Variants in SCHIP1 observed in about 807,000 individuals in gnomAD.
The protein encoded by SCHIP1 is schwannomin-interacting protein 1.
Under a neutral mutation model 29.7 loss-of-function variants are expected in SCHIP1, and 8 were observed. That is an observed-to-expected ratio of 0.27 (90% CI 0.16 to 0.49). The LOEUF (loss-of-function observed/expected upper bound fraction) is 0.49, where lower values mean the gene tolerates loss of function less well. Among genes scored for constraint, SCHIP1 ranks in the 20% least tolerant of loss-of-function variants. The pLI is 0.99. For synonymous variants in SCHIP1, 76 were observed against 94.9 expected (o/e 0.80, Z 1.16); for missense variants, 193 against 294.6 (o/e 0.66, Z 2.52).
chr3:159,875,970 T>C (rs1423652764), intron 2 of SCHIP1, among the ~76,000 whole-genome samples: 1 of 152,098 alleles, frequency 6.6e-6, no homozygotes, highest in African/African-American at 2.4e-5. Context: ...AGATTTCTGA[T>C]GAGAACAGAA....
the SCHIP1 span, among the ~76,000 whole-genome samples, chr3:159,649,696 G>C: frequency 6.6e-6 from 1 of 152,186 alleles, no homozygotes; most frequent in South Asian, 2.1e-4. Flanking sequence ...TAGGTATGCT[G>C]TGACTACATC....
At chr3:159,814,702 C>T in the SCHIP1 span, among the ~76,000 whole-genome samples, 195 of 152,356 alleles carry the variant, frequency 1.3e-3, 1 homozygote, top group African/African-American at 4.5e-3. Flanking sequence ...CAGCTCTCAT[C>T]TTCACTGCCA....
chr3:159,421,951 A>G, the SCHIP1 span, among the ~76,000 whole-genome samples: 1 of 152,222 alleles, frequency 6.6e-6, no homozygotes, highest in Non-Finnish European at 1.5e-5. Flanking sequence ...TCGGGGAAAG[A>G]AAGTAAGTTA....
At chr3:159,510,297 G>C in the SCHIP1 span, among the ~76,000 whole-genome samples, 2 of 151,896 alleles carry the variant, frequency 1.3e-5, no homozygotes, top group South Asian at 4.2e-4. Flanking sequence ...CATAGTTCTC[G>C]TGCCATGGTT....
chr3:159,890,384 T>A (rs1329155328), intron 5 of SCHIP1, among the ~76,000 whole-genome samples: 1 of 152,146 alleles, frequency 6.6e-6, no homozygotes, highest in Non-Finnish European at 1.5e-5. Flanking sequence ...CATTAAGGGT[T>A]CAGATATGTA....
At chr3:159,275,104 T>G in the SCHIP1 span, 1 of 959,064 alleles carries the variant, frequency 1.0e-6, no homozygotes, top group Admixed American at 6.2e-5. Flanking sequence ...CAATTTTATA[T>G]AAAGGAGACC....
chr3:159,659,242 C>A, the SCHIP1 span, among the ~76,000 whole-genome samples: 1 of 152,166 alleles, frequency 6.6e-6, no homozygotes, highest in African/African-American at 2.4e-5. Context: ...TTGGCATGTC[C>A]TTGGGCTTGG....
chr3:159,789,132 C>CAGAGAGAG, the SCHIP1 span, among the ~76,000 whole-genome samples: 1 of 150,650 alleles, frequency 6.6e-6, no homozygotes, highest in Non-Finnish European at 1.5e-5. Context: ...TCTATATATA[C>CAGAGAGAG]AGAGAGAGAG....
the SCHIP1 span, among the ~76,000 whole-genome samples, chr3:159,497,154 C>T: frequency 7.9e-5 from 12 of 151,752 alleles, no homozygotes; most frequent in African/African-American, 1.5e-4. Context: ...TGCTAAATGA[C>T]GAGTTAATGG....
At chr3:159,301,812 T>G in the SCHIP1 span, among the ~76,000 whole-genome samples, 2 of 152,326 alleles carry the variant, frequency 1.3e-5, no homozygotes, top group African/African-American at 4.8e-5. Context: ...CTCTTTTCTT[T>G]ATAAATGACC....
At chr3:159,694,537 C>CAGGA in the SCHIP1 span, among the ~76,000 whole-genome samples, 149 of 119,460 alleles carry the variant, frequency 1.2e-3, 1 homozygote, top group African/African-American at 4.8e-3. Context: ...AAAGAAAAGA[C>CAGGA]AAGAAAGAAA....
the SCHIP1 span, among the ~76,000 whole-genome samples, chr3:159,612,484 C>T: frequency 1.3e-5 from 2 of 152,298 alleles, no homozygotes; most frequent in East Asian, 1.9e-4. Flanking sequence ...CGGTGGCTCA[C>T]TCCTGTAATC....
chr3:159,573,941 C>T, the SCHIP1 span, among the ~76,000 whole-genome samples: 1 of 152,212 alleles, frequency 6.6e-6, no homozygotes, highest in East Asian at 1.9e-4. Context: ...AGTTCTCGTG[C>T]CATGGTTTTC....
chr3:159,566,773 A>G, the SCHIP1 span, among the ~76,000 whole-genome samples: 1 of 152,184 alleles, frequency 6.6e-6, no homozygotes, highest in South Asian at 2.1e-4. Context: ...CAACGGCATC[A>G]GGGAGGTAAC....
chr3:159,690,837 C>A, the SCHIP1 span, among the ~76,000 whole-genome samples: 1 of 152,128 alleles, frequency 6.6e-6, no homozygotes. Flanking sequence ...TTATTTCTGC[C>A]TTAATTTCAT....
At chr3:159,444,734 G>A in the SCHIP1 span, among the ~76,000 whole-genome samples, 9 of 152,180 alleles carry the variant, frequency 5.9e-5, no homozygotes, top group African/African-American at 1.9e-4. Flanking sequence ...CTTCTAGATA[G>A]GAAGGACTCC....
At chr3:159,839,833 G>T (rs1744044701), upstream of SCHIP1, 2 of 1,240,102 alleles carry the variant, frequency 1.6e-6, no homozygotes, top group Non-Finnish European at 2.0e-6. Flanking sequence ...TAAAGCACCA[G>T]AAGGTCACAC....
At chr3:159,708,098 C>A in the SCHIP1 span, among the ~76,000 whole-genome samples, 1 of 152,138 alleles carries the variant, frequency 6.6e-6, no homozygotes, top group Non-Finnish European at 1.5e-5. Context: ...GTGCCTGACA[C>A]AAAGTGGGCC....
At chr3:159,412,098 G>A in the SCHIP1 span, among the ~76,000 whole-genome samples, 2 of 152,244 alleles carry the variant, frequency 1.3e-5, no homozygotes, top group Non-Finnish European at 2.9e-5. Context: ...AACCAACAAA[G>A]TAGTTACTGT....
Sources: allele counts gnomAD v4.1 joint callset (sites outside exome capture counted in the v4.1 genomes callset), GRCh38; gene constraint gnomAD v4.1.1; transcripts MANE v1.5; gene names NCBI Gene and HGNC (gene_info 2026-07-23, HGNC 2026-07-21).